The following PROCR variants were observed in gnomAD, a reference collection of about 807,000 sequenced individuals.
The protein encoded by PROCR is protein C receptor, also known as endothelial protein C receptor.
In PROCR, 22 loss-of-function variants were observed where a neutral mutation model predicts 24.2. The observed-to-expected ratio is 0.91, with a 90% CI of 0.65 to 1.30. PROCR has a LOEUF of 1.30. Ranked by LOEUF, PROCR falls within the 50% of genes most tolerant of loss-of-function variation. The pLI, the probability that PROCR is intolerant of heterozygous loss-of-function variation, is 0.00. For synonymous variants in PROCR, 137 were observed against 139.2 expected, an observed-to-expected ratio of 0.98 and a Z score of 0.11; for missense variants, 288 against 307.7, an observed-to-expected ratio of 0.94 and a Z score of 0.48.
At chr20:35,186,071 C>T (rs1217425766) in intron 1 of PROCR, among the ~76,000 whole-genome samples, 1 of 152,002 alleles carries the variant, frequency 6.6e-6, no homozygotes, top group Non-Finnish European at 1.5e-5. Flanking sequence ...TAGTATATGC[C>T]CAAGAAAATT....
In PROCR at chr20:35,186,418, T is replaced by C. The variant is rs189347599; in HGVS notation, c.94+9972T>C. ...CCCGCCTCTTCTAAAAATAGAAAAT[T>C]AGCCGGGCATGGTAGCACATGCCTG... On this transcript the variant is annotated intron_variant, in intron 1 of 1. Transcript: ENST00000634509. Among the ~76,000 whole-genome samples the C allele has an allele frequency of 3.9e-3, 589 of 151,446 alleles. 5 individuals carry two copies. The highest frequency in any genetic ancestry group is 0.011 in the African/African-American group (471 of 41,252).
chr20:35,184,656 C>T (rs1431331561), intron 1 of PROCR, among the ~76,000 whole-genome samples: 16 of 152,012 alleles, frequency 1.1e-4, no homozygotes, highest in African/African-American at 3.4e-4. Flanking sequence ...GCTGAGATGA[C>T]GCCACTGCAC....
intron 1 of PROCR, among the ~76,000 whole-genome samples, chr20:35,183,939 A>C (rs2086100516): frequency 6.6e-6 from 1 of 152,190 alleles, no homozygotes; most frequent in African/African-American, 2.4e-5. Flanking sequence ...TGGCTATAGG[A>C]GGATGGATAG....
chr20:35,215,266 A>C (rs914664268), intron 1 of PROCR, among the ~76,000 whole-genome samples: 2 of 152,158 alleles, frequency 1.3e-5, no homozygotes, highest in African/African-American at 4.8e-5. Flanking sequence ...ATTGCTTGTA[A>C]CTTTTGAACA....
intron 1 of PROCR, among the ~76,000 whole-genome samples, chr20:35,192,666 T>A (rs1037207462): frequency 6.6e-6 from 1 of 151,710 alleles, no homozygotes; most frequent in Non-Finnish European, 1.5e-5. Context: ...CCCAGGAGAC[T>A]TTCCCCCCAC....
chr20:35,207,444 C>G (rs188515375), intron 1 of PROCR, among the ~76,000 whole-genome samples: 2 of 148,214 alleles, frequency 1.3e-5, no homozygotes, highest in African/African-American at 5.0e-5. Flanking sequence ...AAGCTTTTTC[C>G]CCTCATATTA....
At chr20:35,205,687 G>C (rs1288634547) in intron 1 of PROCR, among the ~76,000 whole-genome samples, 2 of 146,264 alleles carry the variant, frequency 1.4e-5, no homozygotes, top group Admixed American at 1.4e-4. Context: ...GGAGGTGGAG[G>C]TTGCAGTGAG....
In PROCR at chr20:35,176,911, G is replaced by C; in HGVS notation, c.*98G>C. ...GCCAGACTCCCCAACTGAAACACCAGAAGGTTTGGAGTGACAGCTCCTTTC... is the reference window on the plus strand; with the variant it reads ...GCCAGACTCCCCAACTGAAACACCACAAGGTTTGGAGTGACAGCTCCTTTC... On this transcript the variant is annotated 3_prime_UTR_variant, in exon 4 of 4. Coordinates refer to ENST00000216968, the MANE Select transcript of PROCR (RefSeq NM_006404.5). 7 of 1,547,766 alleles carry C rather than the reference G, an allele frequency of 4.5e-6. No homozygotes were observed. Among genetic ancestry groups the C allele is most frequent in the Non-Finnish European group, 6.1e-6 (7 of 1,145,066 alleles).
chr20:35,213,234 G>A (rs1409813171), intron 1 of PROCR, among the ~76,000 whole-genome samples: 1 of 152,124 alleles, frequency 6.6e-6, no homozygotes, highest in African/African-American at 2.4e-5. Context: ...TTGGGAGGCT[G>A]AGACATGAGA....
intron 1 of PROCR, among the ~76,000 whole-genome samples, chr20:35,213,367 A>C (rs1404653010): frequency 6.6e-6 from 1 of 151,992 alleles, no homozygotes. Context: ...TTCTGTTTGC[A>C]TGAAGCCCAT....
chr20:35,184,472 C>T (rs1277142735), intron 1 of PROCR, among the ~76,000 whole-genome samples: 10 of 152,028 alleles, frequency 6.6e-5, no homozygotes, highest in South Asian at 2.1e-4. Context: ...GAGGCCGAGG[C>T]GGGCAGATCA....
rs1327219168 is a variant in PROCR at position 35,175,871 on chromosome 20, T to C, written c.323-297T>C. Among the ~76,000 whole-genome samples, 4 of 151,366 alleles carry C rather than the reference T, an allele frequency of 2.6e-5. No individual in the cohort carries two copies. In the East Asian group the frequency reaches 7.8e-4, roughly 29 times the overall value. ...AAGTGCTGGGATTACAGGCGTGAGC[T>C]GCCGCCCCTGCCCCAGCCTCACCCC... On this transcript the variant is annotated intron_variant, in intron 2 of 3. Coordinates refer to ENST00000216968, the MANE Select transcript of PROCR (RefSeq NM_006404.5).
intron 1 of PROCR, among the ~76,000 whole-genome samples, chr20:35,207,392 G>GTGTGTA (rs1555791832): frequency 0.013 from 1,922 of 146,064 alleles, 54 homozygotes; most frequent in African/African-American, 0.046. Context: ...GTATGTTTGT[G>GTGTGTA]TATATATATA....
At position 35,174,784 on chromosome 20, in the gene PROCR, G is replaced by A; in HGVS notation, c.153G>A (p.Gly51=). Residue 51 remains glycine (G), a synonymous_variant, in exon 2 of 4, where the codon GGG becomes GGA. Transcript: ENST00000216968. The part of the protein sequence containing the change: ...HVWYQGNASL[G]GHLTHVLEGP... ...GGTACCAGGGCAACGCGTCGCTGGG[G>A]GGACACCTAACGCACGTGCTGGAAG... The A allele has an allele frequency of 6.2e-7, 1 of 1,614,044 alleles. No homozygotes were observed. Among genetic ancestry groups the A allele is most frequent in the Non-Finnish European group, 8.5e-7 (1 of 1,179,998 alleles).
rs1038076225 is a variant in PROCR at position 35,175,088 on chromosome 20, G to C, written c.322+135G>C. ...CCGGCAGCCACTGGAGCTCGGTGGC[G>C]CCTGGGCCTTTGAAGATTGCTGGGT... On this transcript the variant is annotated intron_variant, in intron 2 of 3. Coordinates refer to ENST00000216968, the MANE Select transcript of PROCR (RefSeq NM_006404.5). 5.6e-6 allele frequency: 6 copies of C among 1,075,902 alleles called. No homozygotes were observed. In the African/African-American group the frequency reaches 6.7e-5, roughly 12 times the overall value. 66.6% of individuals were successfully genotyped at this position (1,075,902 alleles called of 1,614,324 possible).
At chr20:35,175,019 G>A (rs1363365565) in intron 2 of PROCR, 66 bp downstream of exon 2, 1 of 1,234,632 alleles carries the variant, frequency 8.1e-7, no homozygotes, top group Non-Finnish European at 1.1e-6. Flanking sequence ...TGGCGGGTGG[G>A]GGCGGGGCCT....
chr20:35,214,605 C>T (rs1300272131), intron 1 of PROCR, among the ~76,000 whole-genome samples: 1 of 150,710 alleles, frequency 6.6e-6, no homozygotes, highest in Non-Finnish European at 1.5e-5. Context: ...AGGAGAATTG[C>T]TTGAACCCAG....
chr20:35,199,558 G>T (rs1447604389), intron 1 of PROCR, among the ~76,000 whole-genome samples: 3 of 152,090 alleles, frequency 2.0e-5, no homozygotes, highest in African/African-American at 7.2e-5. Context: ...AGAGCAGCCT[G>T]GCCAGCATAG....
intron 1 of PROCR, chr20:35,215,870 C>G: frequency 1.0e-6 from 1 of 985,328 alleles, no homozygotes. Context: ...TCCAGCCACC[C>G]TCTCATTTAT....
Sources: allele counts gnomAD v4.1 joint callset (sites outside exome capture counted in the v4.1 genomes callset), GRCh38; gene constraint gnomAD v4.1.1; transcripts MANE v1.5; gene names NCBI Gene and HGNC (gene_info 2026-07-23, HGNC 2026-07-21).